The following DGKB variants were observed in gnomAD, a reference collection of about 807,000 sequenced individuals.
The protein encoded by DGKB is diacylglycerol kinase beta.
In DGKB, 67 loss-of-function variants were observed where a neutral mutation model predicts 114.3. The observed-to-expected ratio is 0.59, with a 90% confidence interval of 0.48 to 0.72. The LOEUF is 0.72. Among genes scored for constraint, DGKB ranks in the 30% least tolerant of loss-of-function variants. DGKB has a pLI of 0.00. For synonymous variants in DGKB, 398 were observed against 323.1 expected, an observed-to-expected ratio of 1.23 and a Z score of -2.49; for missense variants, 907 against 975.2, an observed-to-expected ratio of 0.93 and a Z score of 0.93.
intron 4 of DGKB, among the ~76,000 whole-genome samples, chr7:14,739,696 G>C (rs1832265925): frequency 6.6e-6 from 1 of 152,076 alleles, no homozygotes; most frequent in Non-Finnish European, 1.5e-5. Flanking sequence ...TTCGTTTCTG[G>C]GCCTTCCAGT....
rs1292264713 is a variant in DGKB at position 14,841,237 on chromosome 7, G to A, written c.27C>T (p.His9=). 1.1e-5 allele frequency: 17 copies of A among 1,613,450 alleles called. No homozygotes were observed. The highest frequency in any genetic ancestry group is 1.4e-5 in the Non-Finnish European group (16 of 1,179,724). The change falls in exon 2 of 26, where the codon CAC becomes CAT. Residue 9 remains histidine, a synonymous_variant. Coordinates refer to ENST00000402815, the MANE Select transcript of DGKB (RefSeq NM_001350709.2). MTNQEKWA[H]LSPSEFSQLQ... Reference sequence around the variant, plus strand: ...GTTGGGAAAATTCCGAAGGGCTGAGGTGGGCCCATTTTTCCTGGTTTGTCA... The same window carrying A: ...GTTGGGAAAATTCCGAAGGGCTGAGATGGGCCCATTTTTCCTGGTTTGTCA...
chr7:14,880,722 T>G (rs1854091389), intron 1 of DGKB, among the ~76,000 whole-genome samples: 2 of 152,276 alleles, frequency 1.3e-5, no homozygotes, highest in South Asian at 4.1e-4. Context: ...ACAAAATGCT[T>G]AAGTATCAAA....
At chr7:14,620,432 AT>A (rs1807397542) in intron 15 of DGKB, among the ~76,000 whole-genome samples, 1 of 151,504 alleles carries the variant, frequency 6.6e-6, no homozygotes. Flanking sequence ...GTGCTCTCAT[AT>A]TGAAAAAATA....
chr7:14,645,557 T>G (rs531829893), intron 13 of DGKB, among the ~76,000 whole-genome samples: 1 of 152,024 alleles, frequency 6.6e-6, no homozygotes. Flanking sequence ...AGGCACATTA[T>G]AGTCAAACAG....
chr7:14,454,585 A>G (rs935275633), intron 21 of DGKB, among the ~76,000 whole-genome samples: 2 of 152,102 alleles, frequency 1.3e-5, no homozygotes, highest in African/African-American at 4.8e-5. Context: ...TTTGCATTAT[A>G]TAGAAATCAT....
intron 23 of DGKB, among the ~76,000 whole-genome samples, chr7:14,326,581 T>C (rs1330808572): frequency 6.6e-6 from 1 of 152,158 alleles, no homozygotes; most frequent in Non-Finnish European, 1.5e-5. Flanking sequence ...TAATATGTAG[T>C]GGAAGGAAAG....
intron 2 of DGKB, among the ~76,000 whole-genome samples, chr7:14,780,416 TACA>T (rs1343538280): frequency 6.6e-6 from 1 of 152,228 alleles, no homozygotes; most frequent in Non-Finnish European, 1.5e-5. Context: ...TAGCACCATT[TACA>T]ACAATAGGCA....
At chr7:14,365,513 A>C (rs1816522701) in intron 21 of DGKB, among the ~76,000 whole-genome samples, 1 of 152,122 alleles carries the variant, frequency 6.6e-6, no homozygotes, top group African/African-American at 2.4e-5. Context: ...ACTTGACAAA[A>C]TAATTTCCTT....
chr7:14,955,500 CTG>C, intron 1 of DGKB, among the ~76,000 whole-genome samples: 1 of 152,124 alleles, frequency 6.6e-6, no homozygotes. Flanking sequence ...CCTCAAGTGA[CTG>C]AGGATAAACA....
At chr7:14,369,337 T>C (rs1208427631) in intron 21 of DGKB, among the ~76,000 whole-genome samples, 1 of 152,164 alleles carries the variant, frequency 6.6e-6, no homozygotes, top group Non-Finnish European at 1.5e-5. Flanking sequence ...GCATTTGGGT[T>C]GGTTTCAAGT....
intron 23 of DGKB, among the ~76,000 whole-genome samples, chr7:14,283,939 A>C (rs1321673116): frequency 2.0e-5 from 3 of 152,198 alleles, no homozygotes; most frequent in African/African-American, 7.2e-5. Flanking sequence ...ATTACCATTC[A>C]GGACATAGGC....
At chr7:14,702,667 G>C (rs1585796475) in intron 6 of DGKB, among the ~76,000 whole-genome samples, 1 of 152,078 alleles carries the variant, frequency 6.6e-6, no homozygotes, top group South Asian at 2.1e-4. Flanking sequence ...GGTTTGTCTT[G>C]GGTTTGTATA....
intron 20 of DGKB, among the ~76,000 whole-genome samples, chr7:14,506,867 A>C (rs1787164021): frequency 6.6e-6 from 1 of 152,196 alleles, no homozygotes; most frequent in Non-Finnish European, 1.5e-5. Context: ...AGCTCTGGCC[A>C]GTGGATTGTA....
chr7:14,781,147 G>A (rs1468752806), intron 2 of DGKB, among the ~76,000 whole-genome samples: 1 of 152,166 alleles, frequency 6.6e-6, no homozygotes, highest in South Asian at 2.1e-4. Context: ...CTATCAAAAG[G>A]TAACGTTTCC....
intron 17 of DGKB, among the ~76,000 whole-genome samples, chr7:14,596,549 A>G (rs144669192): frequency 3.3e-4 from 51 of 152,248 alleles, no homozygotes; most frequent in African/African-American, 1.2e-3. Flanking sequence ...ACCATACACA[A>G]AAATATCCAT....
At chr7:14,958,901 G>C (rs1291983941) in intron 1 of DGKB, among the ~76,000 whole-genome samples, 1 of 151,872 alleles carries the variant, frequency 6.6e-6, no homozygotes, top group Non-Finnish European at 1.5e-5. Context: ...GAAAATGACT[G>C]TGTTTATTTC....
At chr7:14,707,055 T>C (rs1047681533) in intron 6 of DGKB, among the ~76,000 whole-genome samples, 57 of 150,066 alleles carry the variant, frequency 3.8e-4, no homozygotes, top group Non-Finnish European at 7.2e-4. Context: ...ATCAACAAAA[T>C]TGACAGACCG....
chr7:14,968,378 T>C (rs1200117319), intron 1 of DGKB, among the ~76,000 whole-genome samples: 1 of 152,168 alleles, frequency 6.6e-6, no homozygotes, highest in African/African-American at 2.4e-5. Context: ...CAGTAAAAAA[T>C]CTATGGTAAT....
At chr7:14,430,874 C>A (rs1274669736) in intron 21 of DGKB, among the ~76,000 whole-genome samples, 1 of 152,026 alleles carries the variant, frequency 6.6e-6, no homozygotes, top group Admixed American at 6.6e-5. Context: ...AAGAATCTAC[C>A]TTTATTATCT....
Sources: gnomAD v4.1 joint callset for allele counts (sites outside exome capture counted in the v4.1 genomes callset) on GRCh38, gnomAD v4.1.1 for gene constraint, MANE v1.5 for transcripts, NCBI Gene and HGNC (gene_info 2026-07-23, HGNC 2026-07-21) for gene names.